Variants in ZNF493 observed in about 807,000 individuals in gnomAD.
ZNF493 encodes zinc finger protein 493.
In ZNF493, 11 loss-of-function variants were observed where a neutral mutation model predicts 12.2. That is an observed-to-expected ratio of 0.90 (90% CI 0.57 to 1.50). The LOEUF (loss-of-function observed/expected upper bound fraction) is 1.50, where lower values mean the gene tolerates loss of function less well. Ranked by LOEUF, ZNF493 falls within the 40% of genes most tolerant of loss-of-function variation. The pLI, the probability that ZNF493 is intolerant of heterozygous loss-of-function variation, is 0.00. For missense variants in ZNF493, 950 were observed against 906.6 expected (o/e 1.05, Z -0.61); for synonymous variants, 286 against 302.6 (o/e 0.95, Z 0.57).
rs1011449073 is a variant in ZNF493 at position 21,422,702 on chromosome 19, C to T, written c.254-211C>T. On this transcript the variant is annotated intron_variant, in intron 3 of 3. Transcript: ENST00000392288. ...CCCTTCTGTGTGACTTTGTGCTCACCTGGGGTACTTCAAACACTTAACTCA... is the reference window on the plus strand; with the variant it reads ...CCCTTCTGTGTGACTTTGTGCTCACTTGGGGTACTTCAAACACTTAACTCA... Among the ~76,000 whole-genome samples, 5 of 151,950 alleles carry T rather than the reference C, an allele frequency of 3.3e-5. No homozygotes were observed. The East Asian group carries it at 9.7e-4, about 29-fold the overall frequency.
At chr19:21,402,612 T>A (rs138845982) in intron 1 of ZNF493, among the ~76,000 whole-genome samples, 150 of 152,322 alleles carry the variant, frequency 9.8e-4, no homozygotes, top group African/African-American at 3.4e-3. Context: ...AGGGCCAGAC[T>A]TTCAATTGTG....
At chr19:21,422,825 AG>A in intron 3 of ZNF493, 87 bp from the exon 4 acceptor site, 3 of 1,210,756 alleles carry the variant, frequency 2.5e-6, no homozygotes, top group Non-Finnish European at 3.4e-6. Context: ...TGGTTTATGC[AG>A]TTTGTATAAT....
chr19:21,408,419 AC>A, intron 3 of ZNF493: 1 of 984,154 alleles, frequency 1.0e-6, no homozygotes, highest in Non-Finnish European at 1.2e-6. Flanking sequence ...GTGAGCCACC[AC>A]CCCCGGCCAC....
chr19:21,415,045 G>GTTCT (rs1200488800), intron 3 of ZNF493, among the ~76,000 whole-genome samples: 1 of 152,096 alleles, frequency 6.6e-6, no homozygotes, highest in African/African-American at 2.4e-5. Flanking sequence ...AACAATCCGA[G>GTTCT]TTCTCCCAAT....
In ZNF493 at chr19:21,424,095, A is replaced by T. The variant is rs1298851272; in HGVS notation, c.1436A>T (p.His479Leu). The T allele has an allele frequency of 1.2e-6, 2 of 1,612,320 alleles. No individual in the cohort carries two copies. Among genetic ancestry groups the T allele is most frequent in the Non-Finnish European group, 1.7e-6 (2 of 1,178,928 alleles). Residue 479 changes from histidine (H) to leucine (L), a missense_variant, in exon 4 of 4, where the codon CAT becomes CTT. By Grantham distance (99) the His-to-Leu change is moderately conservative (BLOSUM62 -3). Coordinates refer to ENST00000392288, the MANE Select transcript of ZNF493 (RefSeq NM_001076678.3). ...AAACGATCTTCAACCCTTACTAAAC[A>T]TAGGATAATTCATACTGAAGAGAAA... ...AFKRSSTLTK[H>L]RIIHTEEKPY...
chr19:21,424,239 A>C lies in ZNF493; in HGVS notation c.1580A>C (p.Lys527Thr). Reference sequence around the variant, plus strand: ...TGTGAAGAATGTGGCAAAGCTTTTAAACGATCTTCAACCCTTACTATACAT... The same window carrying C: ...TGTGAAGAATGTGGCAAAGCTTTTACACGATCTTCAACCCTTACTATACAT... ...YKCEECGKAF[K>T]RSSTLTIHKM... Residue 527 changes from lysine to threonine, a missense_variant, in exon 4 of 4, where the codon AAA becomes ACA. Lys to Thr is a moderately conservative substitution (Grantham distance 78, BLOSUM62 -1). Coordinates refer to ENST00000392288, the MANE Select transcript of ZNF493 (RefSeq NM_001076678.3). 1 of 1,612,138 alleles carries C rather than the reference A, an allele frequency of 6.2e-7. No homozygotes were observed.
At chr19:21,408,356 C>A (rs1172722823) in intron 3 of ZNF493, 3 of 822,450 alleles carry the variant, frequency 3.6e-6, no homozygotes, top group Non-Finnish European at 4.4e-6. Context: ...TCTCGAACTC[C>A]TGACCTCAGG....
At chr19:21,412,819 C>A (rs2030366841) in intron 3 of ZNF493, 1 of 319,506 alleles carries the variant, frequency 3.1e-6, no homozygotes, top group African/African-American at 2.3e-5. Context: ...TGTAGAGTGT[C>A]TTTCTAGATG....
At position 21,424,283 on chromosome 19, in the gene ZNF493, G is replaced by GAA. The variant is rs768402966; in HGVS notation, c.1628_1629dup (p.Pro544AsnfsTer51). On this transcript the variant is annotated frameshift_variant, in exon 4 of 4. Coordinates refer to ENST00000392288, the MANE Select transcript of ZNF493 (RefSeq NM_001076678.3). LOFTEE classifies it low-confidence loss of function (END_TRUNC). ...TATACATAAAATGATTCACACTGGA[G>GAA]AAAAACCCTACAAATGTGAAGAATG... 1 of 1,613,284 alleles carries GAA rather than the reference G, an allele frequency of 6.2e-7. No individual in the cohort carries two copies. Among genetic ancestry groups the GAA allele is most frequent in the Non-Finnish European group, 8.5e-7 (1 of 1,179,714 alleles).
chr19:21,398,214 C>G (rs1373212140), intron 1 of ZNF493: 1 of 152,474 alleles, frequency 6.6e-6, no homozygotes, highest in Non-Finnish European at 1.5e-5. Context: ...TTCACATTAT[C>G]GCCTATTTGT....
intron 3 of ZNF493, among the ~76,000 whole-genome samples, chr19:21,421,940 G>C (rs1321778693): frequency 6.6e-6 from 1 of 152,104 alleles, no homozygotes; most frequent in Non-Finnish European, 1.5e-5. Context: ...CCGCCTCCCA[G>C]ATTCAAGCAA....
chr19:21,416,791 A>G (rs1165271840), intron 3 of ZNF493, among the ~76,000 whole-genome samples: 3 of 152,168 alleles, frequency 2.0e-5, no homozygotes, highest in Admixed American at 2.0e-4. Flanking sequence ...AGATATAACA[A>G]TTTGAATTTC....
intron 1 of ZNF493, chr19:21,398,907 T>C (rs1287943560): frequency 1.3e-5 from 2 of 154,254 alleles, no homozygotes; most frequent in African/African-American, 2.4e-5. Context: ...AGTGAAAAAT[T>C]TGTGGCCCAA....
chr19:21,398,248 A>G (rs1441118799), intron 1 of ZNF493: 1 of 152,866 alleles, frequency 6.5e-6, no homozygotes. Context: ...TTTTTATACC[A>G]TATTTTAATT....
chr19:21,424,396 C>T lies in ZNF493; in HGVS notation c.1737C>T (p.Gly579=), dbSNP rs369997415. 1 of 1,613,164 alleles carries T rather than the reference C, an allele frequency of 6.2e-7. No homozygotes were observed. The highest frequency in any genetic ancestry group is 8.5e-7 in the Non-Finnish European group (1 of 1,179,642). Residue 579 remains glycine (G), a synonymous_variant, in exon 4 of 4, where the codon GGC becomes GGT. Coordinates refer to ENST00000392288, the MANE Select transcript of ZNF493 (RefSeq NM_001076678.3). ...AACCCTACAAATGTAAAGAATGTGG[C>T]AAATCCTTTAGTGTATTCTCAACCC... is the stretch of plus-strand genomic sequence containing the variant. ...GHKPYKCKEC[G]KSFSVFSTLT... is the part of the protein sequence containing the mutation.
chr19:21,410,007 C>T (rs2030268054), intron 3 of ZNF493, among the ~76,000 whole-genome samples: 1 of 149,318 alleles, frequency 6.7e-6, no homozygotes, highest in African/African-American at 2.5e-5. Context: ...CAAAGTTTAT[C>T]TTAAAATGTG....
chr19:21,404,980 T>C, intron 1 of ZNF493, 149 bp from the exon 2 acceptor site: 2 of 1,349,584 alleles, frequency 1.5e-6, no homozygotes, highest in East Asian at 2.5e-5. Flanking sequence ...AGAATATTTC[T>C]GTGTTGAAAA....
At position 21,420,310 on chromosome 19, in the gene ZNF493, A is replaced by G. The variant is rs181868650; in HGVS notation, c.254-2603A>G. On this transcript the variant is annotated intron_variant, in intron 3 of 3. Transcript: ENST00000392288. ...CTTTATTTTTATTTTATATGCTTTT[A>G]CTTCTTCCTTATTTTGTTTTGTGTA... Among the ~76,000 whole-genome samples, 13 of 151,312 alleles carry G rather than the reference A, an allele frequency of 8.6e-5. No homozygotes were observed. In the East Asian group the frequency reaches 2.5e-3, roughly 30 times the overall value.
chr19:21,415,101 T>C (rs1418305090), intron 3 of ZNF493, among the ~76,000 whole-genome samples: 1 of 152,208 alleles, frequency 6.6e-6, no homozygotes, highest in East Asian at 1.9e-4. Flanking sequence ...TTAGAGTCCA[T>C]GAATTAGTAT....
Sources: gnomAD v4.1 joint callset for allele counts (sites outside exome capture counted in the v4.1 genomes callset) on GRCh38, gnomAD v4.1.1 for gene constraint, MANE v1.5 for transcripts, NCBI Gene and HGNC (gene_info 2026-07-23, HGNC 2026-07-21) for gene names.